Variants in MYLK3 observed in about 807,000 individuals in gnomAD.
MYLK3 encodes the protein MLC kinase.
In MYLK3, 55 loss-of-function variants were observed where a neutral mutation model predicts 76.3. That is an observed-to-expected ratio of 0.72 (90% confidence interval 0.58 to 0.90). The LOEUF is 0.90. Ranked by LOEUF, MYLK3 falls within the 40% of genes least tolerant of loss-of-function variation. The pLI is 0.00. For missense variants in MYLK3, 973 were observed against 1,053.6 expected (o/e 0.92, Z 1.06); for synonymous variants, 416 against 425.4 (o/e 0.98, Z 0.27).
rs1436207965 is a variant in MYLK3, at chr16:46,707,451, A to G, written c.*253T>C. 4.8e-6 allele frequency: 2 copies of G among 415,536 alleles called. No homozygotes were observed. The highest frequency in any genetic ancestry group is 2.0e-5 in the African/African-American group (1 of 49,004). 25.7% of individuals were successfully genotyped at this position (415,536 alleles called of 1,614,324 possible). On this transcript the variant is annotated 3_prime_UTR_variant, in exon 13 of 13. Coordinates refer to ENST00000394809, the MANE Select transcript of MYLK3 (RefSeq NM_182493.3). The stretch of plus-strand genomic sequence containing the variant: ...TAAAGCATCCCTACACTTACCACCA[A>G]AAGTAGGTATATTTGAAAGGTACTC...
chr16:46,750,969 G>A (rs138633693), upstream of MYLK3, among the ~76,000 whole-genome samples: 1,777 of 151,968 alleles, frequency 0.012, 22 homozygotes, highest in Non-Finnish European at 0.019. Flanking sequence ...CTCCAGCCTG[G>A]GCAACAAGAG....
rs371796025 is a variant in MYLK3 at position 46,709,620 on chromosome 16, C to T, written c.2319G>A (p.Leu773=). ...TTTTGGATCTTGAAGCTTTGGCAGG[C>T]AAATTATTCAGCCACTCGTGTTTCA... ...QCLKHEWLNN[L]PAKASRSKTR... Residue 773 remains leucine, a synonymous_variant, in exon 12 of 13, where the codon TTG becomes TTA. Coordinates refer to ENST00000394809, the MANE Select transcript of MYLK3 (RefSeq NM_182493.3). 1 of 1,614,126 alleles carries T rather than the reference C, an allele frequency of 6.2e-7. No homozygotes were observed. Among genetic ancestry groups the T allele is most frequent in the East Asian group, 2.2e-5 (1 of 44,884 alleles).
intron 1 of MYLK3, 85 bp from the exon 2 acceptor site, chr16:46,740,232 G>A: frequency 1.9e-6 from 2 of 1,052,452 alleles, no homozygotes; most frequent in Non-Finnish European, 2.9e-6. Flanking sequence ...CCTCCCCCTT[G>A]TTTAAGATAA....
intron 1 of MYLK3, among the ~76,000 whole-genome samples, chr16:46,754,949 T>C (rs1967178642): frequency 6.6e-6 from 1 of 151,194 alleles, no homozygotes; most frequent in South Asian, 2.1e-4. Context: ...CAGGCTGGAG[T>C]GCTGTGGTGT....
At chr16:46,727,458 G>A in intron 7 of MYLK3, 81 bp from the exon 8 acceptor site, 1 of 1,482,158 alleles carries the variant, frequency 6.7e-7, no homozygotes, top group Non-Finnish European at 9.1e-7. Context: ...AGGGCCAAAA[G>A]AGGCCAGCCC....
exon 1 of MYLK3, chr16:46,763,215 C>G (rs904257632): frequency 2.0e-6 from 2 of 985,406 alleles, no homozygotes. Flanking sequence ...AAGCTGCCCT[C>G]TGGTCTCCCT....
chr16:46,714,029 A>C (rs1966711642), intron 9 of MYLK3, among the ~76,000 whole-genome samples: 2 of 152,212 alleles, frequency 1.3e-5, no homozygotes, highest in Admixed American at 1.3e-4. Flanking sequence ...CAATTCCAAA[A>C]ATAAAAAATT....
intron 1 of MYLK3, chr16:46,757,595 G>A (rs527927008): frequency 2.0e-6 from 2 of 985,448 alleles, no homozygotes; most frequent in East Asian, 2.3e-4. Context: ...TGGGAATGAG[G>A]TGGGCTGGCT....
chr16:46,717,719 C>G (rs964170586), intron 9 of MYLK3, among the ~76,000 whole-genome samples: 1 of 152,110 alleles, frequency 6.6e-6, no homozygotes, highest in Non-Finnish European at 1.5e-5. Flanking sequence ...AATTAGCAAA[C>G]CCTGGCAAAG....
chr16:46,727,329 G>A lies in MYLK3; in HGVS notation c.1821C>T (p.His607=), dbSNP rs1412745879. The A allele has an allele frequency of 6.2e-7, 1 of 1,613,942 alleles. No homozygotes were observed. Among genetic ancestry groups the A allele is most frequent in the South Asian group, 1.1e-5 (1 of 91,060 alleles). Residue 607 remains histidine (H), a synonymous_variant, in exon 8 of 13, where the codon CAC becomes CAT. Coordinates refer to ENST00000394809, the MANE Select transcript of MYLK3 (RefSeq NM_182493.3). ...LFDRITDEKY[H]LTELDVVLFT... ...ACAGGACCACATCCAGCTCAGTCAG[G>A]TGGTACTTCTCATCTGTGATCCGGT...
intron 1 of MYLK3, among the ~76,000 whole-genome samples, chr16:46,759,052 G>A (rs1197051493): frequency 6.6e-6 from 1 of 152,258 alleles, no homozygotes; most frequent in Non-Finnish European, 1.5e-5. Context: ...CAAAGTGCAA[G>A]TCTGACTTTA....
chr16:46,722,385 CAT>C (rs1012971649), intron 8 of MYLK3, among the ~76,000 whole-genome samples: 1 of 152,198 alleles, frequency 6.6e-6, no homozygotes, highest in Admixed American at 6.5e-5. Flanking sequence ...GATAAAATGA[CAT>C]AACATGCATG....
rs530245402 is a variant in MYLK3, at chr16:46,711,671, T to C, written c.2115-882A>G. On this transcript the variant is annotated intron_variant, in intron 10 of 12. Transcript: ENST00000394809. ...GATTATAGGCATGATCCAGCTCCAT[T>C]TGTACCAAAGCACCTGCATGTCTTT... 3.2e-4 allele frequency: 141 copies of C among 435,350 alleles called. 1 individual carries two copies. The highest frequency in any genetic ancestry group is 2.3e-3 in the South Asian group (138 of 61,086). The allele number at this position is 435,350 out of a possible 1,614,324, so 27.0% of individuals were successfully genotyped here. A position where few individuals can be genotyped will look rare whatever the true frequency, so the allele number is the denominator to read the frequency against.
intron 8 of MYLK3, chr16:46,725,974 A>G (rs1966839882): frequency 6.6e-6 from 1 of 152,240 alleles, no homozygotes; most frequent in African/African-American, 2.4e-5. Context: ...CTTAGATTTA[A>G]GTCCTTGATC....
rs767847646 is a variant in MYLK3 at position 46,711,587 on chromosome 16, C to T, written c.2115-798G>A. 7.3e-5 allele frequency: 29 copies of T among 397,652 alleles called. No individual in the cohort carries two copies. In the Middle Eastern group the frequency reaches 1.1e-3, roughly 15 times the overall value. The allele number at this position is 397,652 out of a possible 1,614,324, so 24.6% of individuals were successfully genotyped here. ...GTGCTATGGTGCAATCATAGCTCAC[C>T]GCAGCCTCAAACTCCTGGGCTCAGG... On this transcript the variant is annotated intron_variant, in intron 10 of 12. Transcript: ENST00000394809.
At position 46,747,880 on chromosome 16, in the gene MYLK3, G is replaced by A. The variant is rs544503447; in HGVS notation, c.314C>T (p.Ala105Val). 5.0e-5 allele frequency: 80 copies of A among 1,613,958 alleles called. 3 individuals are homozygous for A. The South Asian group carries it at 8.1e-4, about 16-fold the overall frequency. Residue 105 changes from alanine to valine, a missense_variant, in exon 1 of 13, where the codon GCC becomes GTC. Physicochemically the swap from Ala to Val is moderately conservative, Grantham distance 64 (BLOSUM62 0). Coordinates refer to ENST00000394809, the MANE Select transcript of MYLK3 (RefSeq NM_182493.3). ...ELVRAMQQDA[A>V]QHGARLEALF... is the part of the protein sequence containing the mutation. ...GGCCTCCAGCCTGGCACCGTGCTGG[G>A]CCGCATCCTGCTGCATGGCCCTCAC... is the stretch of plus-strand genomic sequence containing the variant.
In MYLK3 at chr16:46,706,156, C is replaced by CA. The variant is rs1427933440; in HGVS notation, c.*1547dup. The CA allele has an allele frequency of 1.3e-5, 2 of 151,950 alleles. No homozygotes were observed. Among genetic ancestry groups the CA allele is most frequent in the Non-Finnish European group, 2.9e-5 (2 of 68,016 alleles). 9.4% of individuals were successfully genotyped at this position (151,950 alleles called of 1,614,324 possible). A position where few individuals can be genotyped will look rare whatever the true frequency, so the allele number is the denominator to read the frequency against. Reference sequence around the variant, plus strand: ...AATCTGAGTATAACTTTTGTCTCCCCAAAAACTTAACTACTAATAGCCTAA... The same window carrying CA: ...AATCTGAGTATAACTTTTGTCTCCCCAAAAAACTTAACTACTAATAGCCTAA... On this transcript the variant is annotated 3_prime_UTR_variant, in exon 13 of 13. Coordinates refer to ENST00000394809, the MANE Select transcript of MYLK3 (RefSeq NM_182493.3).
chr16:46,737,929 G>T lies in MYLK3; in HGVS notation c.783C>A (p.Gly261=). The T allele has an allele frequency of 1.2e-6, 2 of 1,614,186 alleles. No homozygotes were observed. Among genetic ancestry groups the T allele is most frequent in the South Asian group, 2.2e-5 (2 of 91,076 alleles). The change falls in exon 3 of 13, where the codon GGC becomes GGA. Residue 261 remains glycine (G), a synonymous_variant. Transcript: ENST00000394809. ...TGCCGGGTGCTGGAGCCAATTCCAG[G>T]CCAGTCCTGAGGTTCTCGCTGGGTG... ...PETPSENLRT[G]LELAPAPGRV...
In MYLK3 at chr16:46,706,622, G is replaced by C. The variant is rs1966629307; in HGVS notation, c.*1082C>G. The C allele has an allele frequency of 2.0e-5, 3 of 152,128 alleles. No individual in the cohort carries two copies. Among genetic ancestry groups the C allele is most frequent in the Admixed American group, 2.0e-4 (3 of 15,274 alleles). 9.4% of individuals were successfully genotyped at this position (152,128 alleles called of 1,614,324 possible). A position where few individuals can be genotyped will look rare whatever the true frequency, so the allele number is the denominator to read the frequency against. On this transcript the variant is annotated 3_prime_UTR_variant, in exon 13 of 13. Coordinates refer to ENST00000394809, the MANE Select transcript of MYLK3 (RefSeq NM_182493.3). The stretch of plus-strand genomic sequence containing the variant: ...ATACTGTATTCTTACAATAAAGTAA[G>C]CTAGAGAAAAGTTACTAAAATCATA...
Sources: allele counts gnomAD v4.1 joint callset (sites outside exome capture counted in the v4.1 genomes callset), GRCh38; gene constraint gnomAD v4.1.1; transcripts MANE v1.5; gene names NCBI Gene and HGNC (gene_info 2026-07-23, HGNC 2026-07-21).